The following PDGFC variants were observed in gnomAD, a reference collection of about 807,000 sequenced individuals.
PDGFC encodes the protein platelet-derived growth factor C.
A neutral mutation model predicts 35.5 loss-of-function variants in PDGFC; 12 were observed. That is an observed-to-expected ratio of 0.34 (90% CI 0.22 to 0.55). PDGFC has a LOEUF of 0.55. Among genes scored for constraint, PDGFC ranks in the 20% least tolerant of loss-of-function variants. The pLI is 0.91. For missense variants in PDGFC, 322 were observed against 412.4 expected (o/e 0.78, Z 1.90); for synonymous variants, 159 against 148.8 (o/e 1.07, Z -0.50).
At chr4:156,772,959 G>A in intron 3 of PDGFC, 66 bp from the exon 4 acceptor site, 1 of 1,063,484 alleles carries the variant, frequency 9.4e-7, no homozygotes, top group South Asian at 1.3e-5. Flanking sequence ...CTGGACATAT[G>A]CAAGAAATTA....
At chr4:156,939,083 T>C (rs1272455251) in intron 1 of PDGFC, among the ~76,000 whole-genome samples, 2 of 151,968 alleles carry the variant, frequency 1.3e-5, no homozygotes, top group African/African-American at 4.8e-5. Flanking sequence ...CCAAACAATA[T>C]AATGGCTTCT....
intron 3 of PDGFC, among the ~76,000 whole-genome samples, chr4:156,785,252 A>T (rs945404841): frequency 2.0e-5 from 3 of 152,138 alleles, no homozygotes; most frequent in Non-Finnish European, 4.4e-5. Flanking sequence ...TGGTGTGTGG[A>T]GTACAGTGGC....
chr4:156,881,299 T>C (rs143111936), intron 1 of PDGFC, among the ~76,000 whole-genome samples: 189 of 152,310 alleles, frequency 1.2e-3, no homozygotes, highest in African/African-American at 4.3e-3. Flanking sequence ...ACTTAAGGTA[T>C]GTACATTGTT....
chr4:156,783,326 T>G (rs1731033244), intron 3 of PDGFC, among the ~76,000 whole-genome samples: 1 of 152,100 alleles, frequency 6.6e-6, no homozygotes, highest in Non-Finnish European at 1.5e-5. Flanking sequence ...AAAAGAGATG[T>G]TAAGGAAGGT....
At chr4:156,840,963 T>G (rs1463099471) in intron 2 of PDGFC, among the ~76,000 whole-genome samples, 1 of 152,168 alleles carries the variant, frequency 6.6e-6, no homozygotes, top group Admixed American at 6.5e-5. Context: ...GTACCCCCAT[T>G]GTATCTAGGA....
chr4:156,919,307 C>T (rs1731220470), intron 1 of PDGFC, among the ~76,000 whole-genome samples: 1 of 152,140 alleles, frequency 6.6e-6, no homozygotes, highest in Non-Finnish European at 1.5e-5. Context: ...CCCCAACTTT[C>T]CTAAATGACC....
At chr4:156,846,657 T>C (rs2111071322) in intron 2 of PDGFC, among the ~76,000 whole-genome samples, 1 of 151,952 alleles carries the variant, frequency 6.6e-6, no homozygotes, top group African/African-American at 2.4e-5. Flanking sequence ...CATATTAATG[T>C]TAAATTTATT....
At chr4:156,923,671 T>G (rs1416572900) in intron 1 of PDGFC, among the ~76,000 whole-genome samples, 1 of 152,176 alleles carries the variant, frequency 6.6e-6, no homozygotes, top group Non-Finnish European at 1.5e-5. Flanking sequence ...TACTAGTTGC[T>G]CATAAAAATA....
At chr4:156,942,691 A>T (rs1731837834) in intron 1 of PDGFC, among the ~76,000 whole-genome samples, 1 of 147,812 alleles carries the variant, frequency 6.8e-6, no homozygotes, top group Non-Finnish European at 1.5e-5. Context: ...ATATACATGT[A>T]TATTATATAA....
At chr4:156,905,130 G>T (rs529899213) in intron 1 of PDGFC, among the ~76,000 whole-genome samples, 1 of 152,202 alleles carries the variant, frequency 6.6e-6, no homozygotes, top group African/African-American at 2.4e-5. Context: ...AGAAGCTGGA[G>T]CTGGGATCAT....
rs1428979509 is a variant in PDGFC at position 156,760,692 on chromosome 4, C to T, written c.*2398G>A. 3 of 151,960 alleles carry T rather than the reference C, an allele frequency of 2.0e-5. No homozygotes were observed. Among genetic ancestry groups the T allele is most frequent in the Admixed American group, 6.5e-5 (1 of 15,274 alleles). The allele number at this position is 151,960 out of a possible 1,614,324, so 9.4% of individuals were successfully genotyped here. ...AGTAAGTGATTATAAAGTGGTTAGT[C>T]CTCACATGGTAACCACTCACCGACT... is the stretch of plus-strand genomic sequence containing the variant. On this transcript the variant is annotated 3_prime_UTR_variant, in exon 6 of 6. Coordinates refer to ENST00000502773, the MANE Select transcript of PDGFC (RefSeq NM_016205.3).
intron 1 of PDGFC, among the ~76,000 whole-genome samples, chr4:156,905,985 A>G (rs897439736): frequency 3.3e-5 from 5 of 152,166 alleles, no homozygotes; most frequent in African/African-American, 1.2e-4. Flanking sequence ...GATGAAACCC[A>G]GTATTAAAAG....
intron 5 of PDGFC, among the ~76,000 whole-genome samples, chr4:156,764,747 T>C (rs1195660065): frequency 6.6e-6 from 1 of 152,186 alleles, no homozygotes; most frequent in Non-Finnish European, 1.5e-5. Context: ...TAGTACTGAT[T>C]TATTATTTTT....
At chr4:156,968,161 TTAA>T (rs1161101390) in intron 1 of PDGFC, among the ~76,000 whole-genome samples, 7 of 152,130 alleles carry the variant, frequency 4.6e-5, no homozygotes. Flanking sequence ...CAAGTTAATA[TTAA>T]AACTGAGCAG....
intron 1 of PDGFC, among the ~76,000 whole-genome samples, chr4:156,946,012 G>C (rs1731938770): frequency 6.6e-6 from 1 of 151,926 alleles, no homozygotes; most frequent in African/African-American, 2.4e-5. Flanking sequence ...GCCAACAAGA[G>C]GCTTTAGCCT....
rs566597993 is a variant in PDGFC at position 156,900,928 on chromosome 4, TGAGGGAGG to T, written c.119-50520_119-50513del. 8.6e-3 allele frequency among the ~76,000 whole-genome samples: 472 copies of T among 54,842 alleles called. 3 individuals carry two copies. Among genetic ancestry groups the T allele is most frequent in the African/African-American group, 0.032 (445 of 13,982 alleles). 36.0% of individuals were successfully genotyped at this position (54,842 alleles called of 152,430 possible). On this transcript the variant is annotated intron_variant, in intron 1 of 5. Transcript: ENST00000502773. ...GGAAGGGAGGGAGGGAGAGAGGAAG[TGAGGGAGG>T]GAGGGAGGGAGGAAGTGAGGGAGGG...
intron 2 of PDGFC, among the ~76,000 whole-genome samples, 159 bp from the exon 3 acceptor site, chr4:156,811,176 A>G (rs1731923748): frequency 6.6e-6 from 1 of 152,080 alleles, no homozygotes; most frequent in South Asian, 2.1e-4. Context: ...AAGAAGAGAC[A>G]CAACTGAAAA....
intron 1 of PDGFC, among the ~76,000 whole-genome samples, chr4:156,945,129 T>C (rs147312652): frequency 6.6e-6 from 1 of 151,848 alleles, no homozygotes; most frequent in Non-Finnish European, 1.5e-5. Flanking sequence ...ATTTATATGT[T>C]ATTTGTCCTT....
Position 156,945,338 on chromosome 4 carries a change from CATACATAT to C in PDGFC, c.118+25440_118+25447del, listed in dbSNP as rs1221452144. On this transcript the variant is annotated intron_variant, in intron 1 of 5. Transcript: ENST00000502773. ...ATATATATGTGTATATATACATATACATACATATATATATATATATATATATATATATA... is the reference window on the plus strand; with the variant it reads ...ATATATATGTGTATATATACATATACATATATATATATATATATATATATA... 3.2e-4 allele frequency among the ~76,000 whole-genome samples: 12 copies of C among 37,454 alleles called. No homozygotes were observed. The South Asian group carries it at 4.6e-3, about 14-fold the overall frequency. 24.6% of individuals were successfully genotyped at this position (37,454 alleles called of 152,430 possible). A position where few individuals can be genotyped will look rare whatever the true frequency, so the allele number is the denominator to read the frequency against.
Sources: gnomAD v4.1 joint callset for allele counts (sites outside exome capture counted in the v4.1 genomes callset) on GRCh38, gnomAD v4.1.1 for gene constraint, MANE v1.5 for transcripts, NCBI Gene and HGNC (gene_info 2026-07-23, HGNC 2026-07-21) for gene names.